Variants in ACACA observed in about 807,000 individuals in gnomAD.
The protein encoded by ACACA is acetyl-CoA carboxylase alpha.
A neutral mutation model predicts 296.1 loss-of-function variants in ACACA; 103 were observed. The ratio of observed to expected loss-of-function variants is 0.35; its 90% CI spans 0.30 to 0.41. The LOEUF (loss-of-function observed/expected upper bound fraction) is 0.41. ACACA is among the 10% of genes least tolerant of loss of function. The probability of loss-of-function intolerance (pLI) is 1.00; values close to 1 mark genes in which losing one functional copy is unlikely to be tolerated. For synonymous variants in ACACA, 953 were observed against 1,038.6 expected (o/e 0.92, Z 1.58); for missense variants, 1,554 against 2,989.7 (o/e 0.52, Z 11.20).
At chr17:37,181,157 T>A (rs1265025913) in intron 40 of ACACA, 44 bp downstream of exon 40, 1 of 1,610,442 alleles carries the variant, frequency 6.2e-7, no homozygotes, top group Admixed American at 1.7e-5. Flanking sequence ...CAGGGAAACC[T>A]TGCCTCCTTA....
At chr17:37,374,273 C>T (rs2049912346) in intron 1 of ACACA, among the ~76,000 whole-genome samples, 1 of 151,114 alleles carries the variant, frequency 6.6e-6, no homozygotes, top group Non-Finnish European at 1.5e-5. Flanking sequence ...GATCTTTATT[C>T]TCTTTTTTTT....
chr17:37,233,477 C>G lies in ACACA; in HGVS notation c.3246+1498G>C, dbSNP rs1598267442. On this transcript the variant is annotated intron_variant, in intron 25 of 55. Coordinates refer to ENST00000616317, the MANE Select transcript of ACACA (RefSeq NM_198834.3). ...CTTCCGCTGCTCCAAGGATTCTAGG[C>G]TTTGGTCTATTTTTAGTGCAGAAAA... Among the ~76,000 whole-genome samples the G allele has an allele frequency of 6.6e-5, 10 of 152,316 alleles. 1 individual carries two copies. In the South Asian group the frequency reaches 1.9e-3, roughly 28 times the overall value.
intron 52 of ACACA, among the ~76,000 whole-genome samples, chr17:37,108,772 A>G (rs2073831150): frequency 6.6e-6 from 1 of 152,190 alleles, no homozygotes; most frequent in African/African-American, 2.4e-5. Context: ...AAAGAGGCAG[A>G]TTTGGGGAGA....
At position 37,223,510 on chromosome 17, in the gene ACACA, A is replaced by C; in HGVS notation, c.3564+2T>G. The C allele has an allele frequency of 6.3e-7, 1 of 1,595,508 alleles. No individual in the cohort carries two copies. Among genetic ancestry groups the C allele is most frequent in the Non-Finnish European group, 8.6e-7 (1 of 1,163,130 alleles). ...TCATGTCCCATTACCATAAATACTT[A>C]CCTCCAGAGCTGCCATCCTCACTAC... On this transcript the variant is annotated splice_donor_variant, in intron 28 of 55. Coordinates refer to ENST00000616317, the MANE Select transcript of ACACA (RefSeq NM_198834.3). LOFTEE classifies it high-confidence loss of function.
At chr17:37,355,594 G>A (rs1453757855) in intron 1 of ACACA, among the ~76,000 whole-genome samples, 1 of 151,688 alleles carries the variant, frequency 6.6e-6, no homozygotes, top group Non-Finnish European at 1.5e-5. Context: ...GGTGGCTCAC[G>A]CCCATAATCC....
Position 37,229,651 on chromosome 17 carries a change from A to G in ACACA, c.3247-3199T>C, listed in dbSNP as rs2079749002. ...AAAGACAAAACAAAGCAAAACACGT[A>G]AAAGCACTTTTTTTTAAAAACCACT... is the stretch of plus-strand genomic sequence containing the variant. On this transcript the variant is annotated intron_variant, in intron 25 of 55. Transcript: ENST00000616317. Among the ~76,000 whole-genome samples, 3 of 152,202 alleles carry G rather than the reference A, an allele frequency of 2.0e-5. No homozygotes were observed. The South Asian group carries it at 6.2e-4, about 31-fold the overall frequency.
At chr17:37,297,228 G>A (rs1416280469) in intron 3 of ACACA, among the ~76,000 whole-genome samples, 3 of 151,198 alleles carry the variant, frequency 2.0e-5, no homozygotes, top group Non-Finnish European at 4.4e-5. Context: ...TATCACCTGA[G>A]GTCGAGAGTT....
At position 37,242,020 on chromosome 17, in the gene ACACA, A is replaced by G; in HGVS notation, c.2965T>C (p.Leu989=). 6.2e-7 allele frequency: 1 copy of G among 1,614,034 alleles called. No individual in the cohort carries two copies. The highest frequency in any genetic ancestry group is 1.3e-5 in the African/African-American group (1 of 75,012). The change falls in exon 23 of 56, where the codon TTG becomes CTG. Residue 989 remains leucine, a synonymous_variant. Transcript: ENST00000616317. ...ACTTCCCGTTCAGATTTCCGGTTCA[A>G]TGTAGCTGCATGGCTATCTAGGATG... ...ANILDSHAAT[L]NRKSEREVFF... is the part of the protein sequence containing the mutation.
At position 37,125,806 on chromosome 17, in the gene ACACA, A is replaced by T. The variant is rs371908610; in HGVS notation, c.5945-12T>A. ...CTGACCTTTTTGGGCTACAGAAGGG[A>T]AAGAAAGAAAACAGAGAATAAGGAC... On this transcript the variant is annotated splice_polypyrimidine_tract_variant and intron_variant, in intron 47 of 55. Coordinates refer to ENST00000616317, the MANE Select transcript of ACACA (RefSeq NM_198834.3). 1.4e-4 allele frequency: 225 copies of T among 1,600,126 alleles called. No homozygotes were observed. The highest frequency in any genetic ancestry group is 1.7e-4 in the Non-Finnish European group (204 of 1,167,900).
At chr17:37,309,288 A>G (rs1481819612) in intron 3 of ACACA, among the ~76,000 whole-genome samples, 3 of 152,120 alleles carry the variant, frequency 2.0e-5, no homozygotes, top group African/African-American at 7.2e-5. Context: ...AGTCTCCCAA[A>G]GCGCTGGGAT....
intron 41 of ACACA, among the ~76,000 whole-genome samples, chr17:37,175,820 A>G (rs1020418974): frequency 6.6e-6 from 1 of 152,176 alleles, no homozygotes; most frequent in Non-Finnish European, 1.5e-5. Flanking sequence ...TATACCTTTC[A>G]TCATGCATTA....
chr17:37,297,419 C>T (rs1351414215), intron 3 of ACACA, among the ~76,000 whole-genome samples: 12 of 141,082 alleles, frequency 8.5e-5, no homozygotes, highest in Admixed American at 3.0e-4. Flanking sequence ...CTAGCATGGG[C>T]GACAAAAGTG....
At chr17:37,225,340 G>T in intron 26 of ACACA, 1 of 485,114 alleles carries the variant, frequency 2.1e-6, no homozygotes, top group Non-Finnish European at 3.7e-6. Flanking sequence ...TTCCCATGGT[G>T]GGTAGGGGGA....
At chr17:37,244,009 T>C (rs1015203741) in intron 21 of ACACA, among the ~76,000 whole-genome samples, 1 of 152,144 alleles carries the variant, frequency 6.6e-6, no homozygotes, top group East Asian at 1.9e-4. Flanking sequence ...CCAACTATCA[T>C]AGAGTACTTT....
At chr17:37,342,279 A>T (rs2048401921) in intron 1 of ACACA, among the ~76,000 whole-genome samples, 4 of 150,846 alleles carry the variant, frequency 2.7e-5, no homozygotes, top group African/African-American at 9.7e-5. Context: ...ATGGTGGCAG[A>T]CACCTGTAAT....
At chr17:37,325,538 C>T (rs965693047) in intron 3 of ACACA, among the ~76,000 whole-genome samples, 1 of 148,282 alleles carries the variant, frequency 6.7e-6, no homozygotes, top group Admixed American at 6.8e-5. Flanking sequence ...TCCCACCAAG[C>T]TATAACTACT....
At position 37,252,827 on chromosome 17, in the gene ACACA, T is replaced by C. The variant is rs1409295043; in HGVS notation, c.1977+59A>G. On this transcript the variant is annotated intron_variant, in intron 15 of 55. Coordinates refer to ENST00000616317, the MANE Select transcript of ACACA (RefSeq NM_198834.3). ...AATAAATTTCATGTAGTGACAGGGATTGAGTACACAAGTCTATAAAAACCC... is the reference window on the plus strand; with the variant it reads ...AATAAATTTCATGTAGTGACAGGGACTGAGTACACAAGTCTATAAAAACCC... 5.6e-6 allele frequency: 9 copies of C among 1,598,726 alleles called. No homozygotes were observed. The Middle Eastern group carries it at 4.9e-4, about 88-fold the overall frequency.
intron 3 of ACACA, among the ~76,000 whole-genome samples, chr17:37,290,284 A>T (rs1050722799): frequency 2.0e-5 from 3 of 152,192 alleles, no homozygotes; most frequent in African/African-American, 7.2e-5. Context: ...CCTGGTCTCA[A>T]GTGATCTGCC....
At chr17:37,230,739 GACAA>G (rs771082847) in intron 25 of ACACA, among the ~76,000 whole-genome samples, 1 of 152,176 alleles carries the variant, frequency 6.6e-6, no homozygotes, top group Non-Finnish European at 1.5e-5. Context: ...TGGGCAACTG[GACAA>G]ACAAACATCA....
Sources: allele counts gnomAD v4.1 joint callset (sites outside exome capture counted in the v4.1 genomes callset), GRCh38; gene constraint gnomAD v4.1.1; transcripts MANE v1.5; gene names NCBI Gene and HGNC (gene_info 2026-07-23, HGNC 2026-07-21).